Variants in PRDM16 observed in about 807,000 individuals in gnomAD.
PRDM16 encodes the protein PR/SET domain 16.
In PRDM16, 23 loss-of-function variants were observed where a neutral mutation model predicts 110.6. The observed-to-expected ratio is 0.21, with a 90% confidence interval of 0.15 to 0.29. The LOEUF (loss-of-function observed/expected upper bound fraction) is 0.29, where lower values mean the gene tolerates loss of function less well. PRDM16 is among the 10% of genes least tolerant of loss of function. PRDM16 has a pLI of 1.00. For missense variants in PRDM16, 1,615 were observed against 1,794.3 expected, an observed-to-expected ratio of 0.90 and a Z score of 1.81; for synonymous variants, 799 against 781.8, an observed-to-expected ratio of 1.02 and a Z score of -0.37.
At chr1:3,098,073 G>T (rs780434427) in intron 1 of PRDM16, among the ~76,000 whole-genome samples, 1 of 152,170 alleles carries the variant, frequency 6.6e-6, no homozygotes, top group Non-Finnish European at 1.5e-5. Context: ...CCCTTGTGCG[G>T]CTCCTTCCCA....
At chr1:3,146,613 GGGGGTGTGTGTGCATGTGCTTGGTAT>G (rs1318583497) in intron 1 of PRDM16, among the ~76,000 whole-genome samples, 1 of 145,590 alleles carries the variant, frequency 6.9e-6, no homozygotes, top group East Asian at 2.1e-4. Context: ...GCTCAGTGTG[GGGGGTGTGTGTGCATGTGCTTGGTAT>G]GGGGTGTGTG....
intron 3 of PRDM16, among the ~76,000 whole-genome samples, chr1:3,377,270 C>T (rs980012843): frequency 6.6e-6 from 1 of 152,074 alleles, no homozygotes; most frequent in Non-Finnish European, 1.5e-5. Flanking sequence ...GAGACGGGAC[C>T]GAGAGGGCAG....
chr1:3,218,279 TAA>T (rs1307459345), intron 2 of PRDM16, among the ~76,000 whole-genome samples: 7 of 152,202 alleles, frequency 4.6e-5, no homozygotes, highest in Non-Finnish European at 1.0e-4. Context: ...CATATTCACA[TAA>T]AGACATCAAG....
At chr1:3,235,898 C>T (rs867348231) in intron 2 of PRDM16, among the ~76,000 whole-genome samples, 6 of 152,194 alleles carry the variant, frequency 3.9e-5, no homozygotes, top group Middle Eastern at 3.4e-3. Context: ...TCGAGCATGG[C>T]GGGGGAGTGG....
At chr1:3,360,993 C>T (rs994159829) in intron 3 of PRDM16, among the ~76,000 whole-genome samples, 1 of 152,222 alleles carries the variant, frequency 6.6e-6, no homozygotes, top group African/African-American at 2.4e-5. Context: ...GTTTTCTCGG[C>T]GGAGCCACTT....
At chr1:3,277,559 G>A (rs1316653525) in intron 3 of PRDM16, among the ~76,000 whole-genome samples, 2 of 152,240 alleles carry the variant, frequency 1.3e-5, no homozygotes, top group African/African-American at 4.8e-5. Flanking sequence ...GGAAAAATGG[G>A]TTTATGTTGT....
At chr1:3,121,343 T>A (rs1359418741) in intron 1 of PRDM16, among the ~76,000 whole-genome samples, 4 of 152,204 alleles carry the variant, frequency 2.6e-5, no homozygotes, top group African/African-American at 9.7e-5. Flanking sequence ...GAGAATGACA[T>A]TATTTGTTTT....
chr1:3,271,820 C>T (rs1411403090), intron 3 of PRDM16, among the ~76,000 whole-genome samples: 4 of 152,190 alleles, frequency 2.6e-5, no homozygotes, highest in African/African-American at 7.2e-5. Flanking sequence ...CAGCAGGCCG[C>T]GGAGTCCTGG....
intron 2 of PRDM16, among the ~76,000 whole-genome samples, chr1:3,241,450 C>T (rs1332929352): frequency 6.6e-6 from 1 of 152,204 alleles, no homozygotes; most frequent in Non-Finnish European, 1.5e-5. Flanking sequence ...GTGGCAGCTG[C>T]CCCCACCACC....
At chr1:3,146,916 G>T (rs1387973943) in intron 1 of PRDM16, among the ~76,000 whole-genome samples, 1 of 114,498 alleles carries the variant, frequency 8.7e-6, no homozygotes, top group Non-Finnish European at 1.8e-5. Flanking sequence ...CTCAGTGTGG[G>T]GGGGTGTGTG....
At position 3,411,688 on chromosome 1, in the gene PRDM16, C is replaced by A; in HGVS notation, c.1491C>A (p.Ser497Arg). The change falls in exon 9 of 17, where the codon AGC (serine) becomes AGA (arginine). Residue 497 changes from serine to arginine, a missense_variant. Ser to Arg is a moderately radical substitution (Grantham distance 110). Around this residue, in one of 5 missense-constraint regions of PRDM16, gnomAD observed 772 missense variants for 748.3 expected, o/e 1.03. Transcript: ENST00000270722. Reference sequence around the variant, plus strand: ...TTCCCTCCAGGCCGCACCCGGGGAGCCTGCCCTTCTCCACGGCGCCTCCCA... The same window carrying A: ...TTCCCTCCAGGCCGCACCCGGGGAGACTGCCCTTCTCCACGGCGCCTCCCA... ...EYFPSRPHPG[S>R]LPFSTAPPTF... The A allele has an allele frequency of 6.2e-7, 1 of 1,610,626 alleles. No individual in the cohort carries two copies. The highest frequency in any genetic ancestry group is 8.5e-7 in the Non-Finnish European group (1 of 1,177,766).
intron 1 of PRDM16, among the ~76,000 whole-genome samples, chr1:3,181,714 A>AGTCTTACACGCGCAGTCTTACACG (rs1557510177): frequency 8.2e-6 from 1 of 121,832 alleles, no homozygotes; most frequent in Non-Finnish European, 1.8e-5. Context: ...GGTCTTACAC[A>AGTCTTACACGCGCAGTCTTACACG]CGCAGTCTTA....
intron 3 of PRDM16, among the ~76,000 whole-genome samples, chr1:3,354,973 G>A (rs1018050037): frequency 1.3e-5 from 2 of 152,184 alleles, no homozygotes; most frequent in African/African-American, 4.8e-5. Context: ...GCTTGGGGGA[G>A]GCGGAAATCT....
chr1:3,100,428 T>C (rs1642503919), intron 1 of PRDM16, among the ~76,000 whole-genome samples: 1 of 152,068 alleles, frequency 6.6e-6, no homozygotes, highest in African/African-American at 2.4e-5. Context: ...GCCTGGGACA[T>C]GGATGGGTCT....
intron 1 of PRDM16, among the ~76,000 whole-genome samples, chr1:3,070,349 C>T (rs1641719387): frequency 6.8e-6 from 1 of 148,104 alleles, no homozygotes; most frequent in African/African-American, 2.4e-5. Context: ...AGCCCGCGCG[C>T]ACCCCGCAGC....
intron 3 of PRDM16, among the ~76,000 whole-genome samples, chr1:3,277,763 A>ACG (rs1362956075): frequency 7.2e-6 from 1 of 139,076 alleles, no homozygotes; most frequent in Non-Finnish European, 1.5e-5. Context: ...ACATGCACAC[A>ACG]CGCGCACACA....
intron 2 of PRDM16, among the ~76,000 whole-genome samples, chr1:3,225,374 C>T (rs1005700156): frequency 1.3e-5 from 2 of 152,100 alleles, no homozygotes; most frequent in Non-Finnish European, 1.5e-5. Context: ...TGTTTGCACC[C>T]AGGTCTCCTC....
At chr1:3,420,213 G>A (rs1638389272) in intron 12 of PRDM16, among the ~76,000 whole-genome samples, 1 of 152,144 alleles carries the variant, frequency 6.6e-6, no homozygotes, top group Non-Finnish European at 1.5e-5. Flanking sequence ...ACTTTATCTG[G>A]CTCAAGGCAG....
chr1:3,402,476 G>A (rs1165567957), intron 5 of PRDM16, among the ~76,000 whole-genome samples: 1 of 152,234 alleles, frequency 6.6e-6, no homozygotes, highest in Non-Finnish European at 1.5e-5. Flanking sequence ...CCACTCCCGA[G>A]CGGGGCCTTC....
Sources: allele counts gnomAD v4.1 joint callset (sites outside exome capture counted in the v4.1 genomes callset), GRCh38; gene constraint gnomAD v4.1.1; regional missense constraint gnomAD v4.1.1; transcripts MANE v1.5; gene names NCBI Gene and HGNC (gene_info 2026-07-23, HGNC 2026-07-21).